The following C11orf97 variants were observed in gnomAD, a reference collection of about 807,000 sequenced individuals.
The protein encoded by C11orf97 is chromosome 11 open reading frame 97.
Under a neutral mutation model 16.2 loss-of-function variants are expected in C11orf97, and 15 were observed. That is an observed-to-expected ratio of 0.93 (90% confidence interval 0.62 to 1.43). The LOEUF (loss-of-function observed/expected upper bound fraction) is 1.43. C11orf97 is among the 40% of genes most tolerant of loss of function. The pLI is 0.00. For synonymous variants in C11orf97, 61 were observed against 65.7 expected (o/e 0.93, Z 0.34); for missense variants, 171 against 161.2 (o/e 1.06, Z -0.33).
In C11orf97 at chr11:94,530,379, T is replaced by G. The variant is rs1008094201; in HGVS notation, c.377-1517T>G. ...TGAGCTGCTACTATCTGCTGTACAA[T>G]CACAATTGATCAATCTATATGTCAG... On this transcript the variant is annotated intron_variant, in intron 3 of 3. Transcript: ENST00000542198. Among the ~76,000 whole-genome samples the G allele has an allele frequency of 2.0e-5, 3 of 152,216 alleles. No individual in the cohort carries two copies. The East Asian group carries it at 5.8e-4, about 29-fold the overall frequency.
rs192231442 is a variant in C11orf97 at position 94,521,510 on chromosome 11, G to A, written c.250+3823G>A. 5.5e-3 allele frequency among the ~76,000 whole-genome samples: 836 copies of A among 152,298 alleles called. 28 individuals are homozygous for A. Among genetic ancestry groups the A allele is most frequent in the Admixed American group, 0.051 (780 of 15,294 alleles). ...GTTTGGCAGGTTAGGTGTATGAAAT[G>A]CATTTACTACTTACAATTTTTTTTC... On this transcript the variant is annotated intron_variant, in intron 2 of 3. Coordinates refer to ENST00000542198, the MANE Select transcript of C11orf97 (RefSeq NM_001190462.2).
rs114094944 is a variant in C11orf97, at chr11:94,523,080, A to G, written c.251-5004A>G. ...TGCCCGCTGCAGGTTTTTTCTTCTC[A>G]TCGTGAAATACAAAAAATTGTTTCT... On this transcript the variant is annotated intron_variant, in intron 2 of 3. Transcript: ENST00000542198. 9.4e-3 allele frequency among the ~76,000 whole-genome samples: 1,430 copies of G among 151,950 alleles called. 26 individuals are homozygous for G. Among genetic ancestry groups the G allele is most frequent in the African/African-American group, 0.033 (1,377 of 41,312 alleles).
In C11orf97 at chr11:94,512,586, G is replaced by C; in HGVS notation, c.58G>C (p.Glu20Gln). Residue 20 changes from glutamate to glutamine, a missense_variant, in exon 1 of 4, where the codon GAA becomes CAA. Glu to Gln is a conservative substitution (Grantham distance 29). Coordinates refer to ENST00000542198, the MANE Select transcript of C11orf97 (RefSeq NM_001190462.2). ...TAVVAPKAGR[E>Q]EEQPPPPAGL... ...AGTGGTGGCGCCCAAGGCGGGTCGC[G>C]AAGAGGAGCAGCCTCCTCCGCCAGC... is the stretch of plus-strand genomic sequence containing the variant. The C allele has an allele frequency of 7.7e-7, 1 of 1,290,392 alleles. No individual in the cohort carries two copies. Among genetic ancestry groups the C allele is most frequent in the Non-Finnish European group, 9.8e-7 (1 of 1,019,090 alleles). The allele number at this position is 1,290,392 out of a possible 1,614,324, so 79.9% of individuals were successfully genotyped here.
intron 3 of C11orf97, among the ~76,000 whole-genome samples, chr11:94,528,942 T>C (rs1346787889): frequency 6.6e-6 from 1 of 152,192 alleles, no homozygotes; most frequent in Non-Finnish European, 1.5e-5. Flanking sequence ...ATATGAATCA[T>C]AATAGCAATG....
chr11:94,531,526 C>CAAAA (rs35270400), intron 3 of C11orf97, among the ~76,000 whole-genome samples: 1 of 92,072 alleles, frequency 1.1e-5, no homozygotes, highest in Non-Finnish European at 2.1e-5. Context: ...CAAAACAAGC[C>CAAAA]AAAAAAAAAA....
rs994667642 is a variant in C11orf97, at chr11:94,518,767, A to G, written c.250+1080A>G. ...AGCAGTTGCTAGAAGAAATAACAAAACTATTACATAGACTCCTTCATTTGT... is the reference window on the plus strand; with the variant it reads ...AGCAGTTGCTAGAAGAAATAACAAAGCTATTACATAGACTCCTTCATTTGT... On this transcript the variant is annotated intron_variant, in intron 2 of 3. Transcript: ENST00000542198. Among the ~76,000 whole-genome samples the G allele has an allele frequency of 2.0e-5, 3 of 152,336 alleles. No homozygotes were observed. The South Asian group carries it at 6.2e-4, about 32-fold the overall frequency.
intron 1 of C11orf97, among the ~76,000 whole-genome samples, chr11:94,514,214 C>A (rs1427222196): frequency 6.6e-6 from 1 of 151,888 alleles, no homozygotes; most frequent in Non-Finnish European, 1.5e-5. Context: ...AACATTCACT[C>A]ATCAATTTAA....
intron 2 of C11orf97, among the ~76,000 whole-genome samples, chr11:94,519,110 A>G (rs1475510963): frequency 6.6e-6 from 1 of 152,048 alleles, no homozygotes; most frequent in Non-Finnish European, 1.5e-5. Flanking sequence ...GGGTTTCACC[A>G]TGTTGGTCAG....
rs1488407416 is a variant in C11orf97, at chr11:94,528,086, G to A, written c.253G>A (p.Ala85Thr). ...CTTGCCTTAAAAAATATTGACAGTG[G>A]CCCTGGAAGGGATTTGGAGCATTAA... ...ECHIKNPAAV[A>T]LEGIWSIKRN... The change falls in exon 3 of 4, where the codon GCC becomes ACC. Residue 85 changes from alanine (A) to threonine (T), a missense_variant and splice_region_variant. Transcript: ENST00000542198. 6.5e-7 allele frequency: 1 copy of A among 1,528,006 alleles called. No homozygotes were observed. Among genetic ancestry groups the A allele is most frequent in the Non-Finnish European group, 8.7e-7 (1 of 1,143,870 alleles). The allele number at this position is 1,528,006 out of a possible 1,614,324, so 94.7% of individuals were successfully genotyped here. A position where few individuals can be genotyped will look rare whatever the true frequency, so the allele number is the denominator to read the frequency against.
intron 2 of C11orf97, 149 bp from the exon 3 acceptor site, chr11:94,527,935 A>G (rs1263527763): frequency 1.5e-6 from 1 of 667,900 alleles, no homozygotes; most frequent in Admixed American, 3.4e-5. Flanking sequence ...GATTAAACAT[A>G]TGATAAAGAT....
intron 2 of C11orf97, among the ~76,000 whole-genome samples, chr11:94,527,308 G>A (rs969516851): frequency 1.3e-5 from 2 of 152,130 alleles, no homozygotes; most frequent in Non-Finnish European, 2.9e-5. Context: ...TATTTGCAGC[G>A]TTAGAAATGG....
intron 2 of C11orf97, among the ~76,000 whole-genome samples, chr11:94,517,931 C>T (rs977274109): frequency 1.3e-5 from 2 of 151,966 alleles, no homozygotes; most frequent in African/African-American, 4.8e-5. Context: ...GGATGGATCA[C>T]GAGGTCAGGA....
At chr11:94,528,757 A>T (rs1044112279) in intron 3 of C11orf97, among the ~76,000 whole-genome samples, 1 of 152,204 alleles carries the variant, frequency 6.6e-6, no homozygotes, top group Non-Finnish European at 1.5e-5. Context: ...TCTGCCAGGA[A>T]CATTTGTAGC....
chr11:94,515,154 CTCATTT>C (rs1386053902), intron 1 of C11orf97, among the ~76,000 whole-genome samples: 3 of 152,076 alleles, frequency 2.0e-5, no homozygotes, highest in East Asian at 1.9e-4. Context: ...GGTGTGGCTT[CTCATTT>C]TCATTATTTT....
chr11:94,515,086 C>T (rs138811962), intron 1 of C11orf97, among the ~76,000 whole-genome samples: 66 of 152,136 alleles, frequency 4.3e-4, no homozygotes, highest in Non-Finnish European at 7.4e-4. Context: ...TATAACTGTG[C>T]GTTGTAATAA....
chr11:94,529,272 A>T (rs1345098224), intron 3 of C11orf97, among the ~76,000 whole-genome samples: 1 of 152,126 alleles, frequency 6.6e-6, no homozygotes, highest in African/African-American at 2.4e-5. Flanking sequence ...GTCACATAGG[A>T]GTAGGGTCCC....
intron 3 of C11orf97, among the ~76,000 whole-genome samples, chr11:94,528,517 A>T (rs1178009323): frequency 5.9e-5 from 9 of 152,188 alleles, no homozygotes; most frequent in African/African-American, 2.2e-4. Flanking sequence ...TGTGAAGAGG[A>T]ATCCTGTACT....
At chr11:94,513,142 G>A (rs1333858261) in intron 1 of C11orf97, among the ~76,000 whole-genome samples, 1 of 152,152 alleles carries the variant, frequency 6.6e-6, no homozygotes, top group Non-Finnish European at 1.5e-5. Context: ...GTCAGTGCAG[G>A]CGAAATACTA....
chr11:94,528,477 C>T (rs1169561769), intron 3 of C11orf97, among the ~76,000 whole-genome samples: 3 of 152,202 alleles, frequency 2.0e-5, no homozygotes, highest in Admixed American at 1.3e-4. Flanking sequence ...TTTCTATCTA[C>T]ACAAGACTTT....
Sources: gnomAD v4.1 joint callset for allele counts (sites outside exome capture counted in the v4.1 genomes callset) on GRCh38, gnomAD v4.1.1 for gene constraint, MANE v1.5 for transcripts, NCBI Gene and HGNC (gene_info 2026-07-23, HGNC 2026-07-21) for gene names.